The following MLPH variants were observed in gnomAD, a reference collection of about 807,000 sequenced individuals.
MLPH encodes the protein exophilin-3.
A neutral mutation model predicts 72.1 loss-of-function variants in MLPH; 51 were observed. The observed-to-expected ratio is 0.71, with a 90% CI of 0.56 to 0.89. MLPH has a LOEUF of 0.89. MLPH is among the 40% of genes least tolerant of loss of function. The probability of loss-of-function intolerance (pLI) is 0.00; values close to 1 mark genes in which losing one functional copy is unlikely to be tolerated. For synonymous variants in MLPH, 301 were observed against 310.1 expected (o/e 0.97, Z 0.31); for missense variants, 743 against 759.9 (o/e 0.98, Z 0.26).
intron 2 of MLPH, among the ~76,000 whole-genome samples, chr2:237,503,959 G>A (rs772694117): frequency 5.3e-5 from 8 of 152,144 alleles, no homozygotes; most frequent in East Asian, 1.9e-4. Flanking sequence ...TTCCCTGGGC[G>A]GGCCTAATAT....
At chr2:237,518,755 A>G (rs1401639961) in intron 5 of MLPH, 107 bp downstream of exon 5, 1 of 798,420 alleles carries the variant, frequency 1.3e-6, no homozygotes, top group East Asian at 2.7e-5. Flanking sequence ...CCACAACTCC[A>G]CTAGTTTCTA....
In MLPH at chr2:237,541,467, G is replaced by GAGA. The variant is rs945399844; in HGVS notation, c.1446+511_1446+513dup. ...CTTAGGCACTGCTCTGTCCTCCCTG[G>GAGA]AGACCTACAGAGAGGAGAGGGGGTG... On this transcript the variant is annotated intron_variant, in intron 11 of 15. Transcript: ENST00000264605. This position sits in a 1 kb window ranked among gnomAD's most constrained non-coding sequence, Gnocchi z 5.1. Among the ~76,000 whole-genome samples the GAGA allele has an allele frequency of 2.0e-5, 3 of 152,136 alleles. No homozygotes were observed. The highest frequency in any genetic ancestry group is 7.2e-5 in the African/African-American group (3 of 41,432).
At chr2:237,532,153 T>C (rs74570483) in intron 8 of MLPH, among the ~76,000 whole-genome samples, 2,892 of 152,316 alleles carry the variant, frequency 0.019, 53 homozygotes, top group South Asian at 0.072. Context: ...GAAGTGGCTG[T>C]GGTGGGACCC....
intron 2 of MLPH, among the ~76,000 whole-genome samples, chr2:237,500,136 A>T (rs186076400): frequency 1.3e-5 from 2 of 152,344 alleles, no homozygotes; most frequent in Admixed American, 1.3e-4. Flanking sequence ...ATGTGGCTCT[A>T]CGTCGTGTGT....
In MLPH at chr2:237,512,052, T is replaced by G. The variant is rs1258528308; in HGVS notation, c.445+951T>G. Among the ~76,000 whole-genome samples the G allele has an allele frequency of 6.6e-6, 1 of 152,222 alleles. No homozygotes were observed. The highest frequency in any genetic ancestry group is 1.9e-4 in the East Asian group (1 of 5,194). On this transcript the variant is annotated intron_variant, in intron 4 of 15. Coordinates refer to ENST00000264605, the MANE Select transcript of MLPH (RefSeq NM_024101.7). This position sits in a 1 kb window ranked among gnomAD's most constrained non-coding sequence, Gnocchi z 5.5. ...GTGTCTGGGGTCTCAGTGTCCTGGA[T>G]GACTCCATCTGCAAGACCAAGGCGA...
chr2:237,534,547 C>G lies in MLPH; in HGVS notation c.1021-17C>G. ...GCACTGGGTCCTCTGCCCACTGTTT[C>G]TCTCCTTCTGCTGCAGATCTTTGAG... is the stretch of plus-strand genomic sequence containing the variant. On this transcript the variant is annotated splice_polypyrimidine_tract_variant and intron_variant, in intron 8 of 15. Coordinates refer to ENST00000264605, the MANE Select transcript of MLPH (RefSeq NM_024101.7). The G allele has an allele frequency of 1.9e-6, 3 of 1,609,562 alleles. No homozygotes were observed. The highest frequency in any genetic ancestry group is 2.6e-6 in the Non-Finnish European group (3 of 1,176,260).
chr2:237,507,023 G>GT (rs1264740053), intron 2 of MLPH, among the ~76,000 whole-genome samples: 1 of 145,424 alleles, frequency 6.9e-6, no homozygotes, highest in Non-Finnish European at 1.5e-5. Flanking sequence ...AAACCCGGCA[G>GT]TTGGAGTTGG....
chr2:237,503,550 C>T (rs1253707017), intron 2 of MLPH, among the ~76,000 whole-genome samples: 4 of 152,286 alleles, frequency 2.6e-5, no homozygotes, highest in East Asian at 3.9e-4. Flanking sequence ...TTAGCCCTGA[C>T]GTGAGGTTTA....
intron 2 of MLPH, among the ~76,000 whole-genome samples, chr2:237,502,412 G>A (rs10192962): frequency 0.046 from 6,943 of 152,212 alleles, 519 homozygotes; most frequent in African/African-American, 0.16. Context: ...AAAAGGAGCA[G>A]GCCTCCTCCT....
At chr2:237,518,100 A>G in intron 4 of MLPH, 1 of 318,840 alleles carries the variant, frequency 3.1e-6, no homozygotes, top group South Asian at 2.5e-5. Flanking sequence ...ATTGATGATG[A>G]GTGGGTGGAT....
chr2:237,551,802 A>AC (rs1426063846), intron 14 of MLPH, among the ~76,000 whole-genome samples: 135 of 151,974 alleles, frequency 8.9e-4, no homozygotes, highest in African/African-American at 3.2e-3. Context: ...ACATGGTGAA[A>AC]CCCCATCTCT....
chr2:237,520,535 G>C (rs1377157626), intron 6 of MLPH, among the ~76,000 whole-genome samples: 1 of 152,238 alleles, frequency 6.6e-6, no homozygotes, highest in African/African-American at 2.4e-5. Flanking sequence ...GGCCATCCAG[G>C]TGAACAGGAC....
chr2:237,521,588 GT>G (rs59520579), intron 6 of MLPH, among the ~76,000 whole-genome samples: 2 of 152,080 alleles, frequency 1.3e-5, no homozygotes, highest in Non-Finnish European at 2.9e-5. Context: ...AGAATGCGAT[GT>G]TTTTTGATAT....
chr2:237,525,758 C>A lies in MLPH; in HGVS notation c.833C>A (p.Pro278Gln), dbSNP rs139390935. Residue 278 changes from proline to glutamine, a missense_variant, in exon 7 of 16, where the codon CCG (proline) becomes CAG (glutamine). Physicochemically the swap from Pro to Gln is moderately conservative, Grantham distance 76. Transcript: ENST00000264605. ...CACGGCGCCCTGGCTGAGCTCTGCC[C>A]GCCTGGAGGCTCCCACAGGATGGCC... ...SRHGALAELC[P>Q]PGGSHRMALG... is the part of the protein sequence containing the mutation. 6.2e-7 allele frequency: 1 copy of A among 1,613,816 alleles called. No individual in the cohort carries two copies. The highest frequency in any genetic ancestry group is 1.7e-5 in the Admixed American group (1 of 60,028).
chr2:237,523,524 G>T (rs2080234324), intron 6 of MLPH, among the ~76,000 whole-genome samples: 1 of 152,164 alleles, frequency 6.6e-6, no homozygotes, highest in Non-Finnish European at 1.5e-5. Context: ...ATAAGAAGTT[G>T]CAGGCTTCTA....
chr2:237,524,302 A>ATATATATATATATATATATATATATATAT (rs2080253513), intron 6 of MLPH, among the ~76,000 whole-genome samples: 10 of 127,368 alleles, frequency 7.9e-5, no homozygotes, highest in African/African-American at 4.1e-4. Flanking sequence ...GAACTAATAG[A>ATATATATATATATATATATATATATATAT]ATATATATAT....
intron 9 of MLPH, 143 bp downstream of exon 9, chr2:237,534,790 G>A (rs2080498752): frequency 1.1e-5 from 8 of 722,138 alleles, no homozygotes; most frequent in Middle Eastern, 2.7e-4. Flanking sequence ...AGTTCTCAGA[G>A]AGCCAGGCAG....
intron 4 of MLPH, chr2:237,518,047 T>G: frequency 3.9e-6 from 1 of 255,406 alleles, no homozygotes; most frequent in African/African-American, 2.3e-5. Flanking sequence ...GGTGGGTGAG[T>G]GGATGAGCCA....
chr2:237,540,575 G>A (rs780142626), intron 10 of MLPH, 42 bp downstream of exon 10: 5 of 1,583,294 alleles, frequency 3.2e-6, no homozygotes, highest in Non-Finnish European at 4.3e-6. Flanking sequence ...CCCTGCAGAG[G>A]TAGGGGCAGG....
Sources: allele counts gnomAD v4.1 joint callset (sites outside exome capture counted in the v4.1 genomes callset), GRCh38; gene constraint gnomAD v4.1.1; non-coding constraint Gnocchi (gnomAD v3.1); transcripts MANE v1.5; gene names NCBI Gene and HGNC (gene_info 2026-07-23, HGNC 2026-07-21).